KCNK5: variants seen among roughly 807,000 people sequenced by gnomAD.
KCNK5 encodes potassium two pore domain channel subfamily K member 5.
A neutral mutation model predicts 32.9 loss-of-function variants in KCNK5; 18 were observed. That is an observed-to-expected ratio of 0.55 (90% CI 0.38 to 0.81). KCNK5 has a LOEUF of 0.81. KCNK5 is among the 30% of genes least tolerant of loss of function. The pLI is 0.00. For missense variants in KCNK5, 507 were observed against 651.0 expected (o/e 0.78, Z 2.41); for synonymous variants, 276 against 275.3 (o/e 1.00, Z -0.03).
In KCNK5 at chr6:39,190,741, A is replaced by C; in HGVS notation, c.*149T>G. 1 of 695,810 alleles carries C rather than the reference A, an allele frequency of 1.4e-6. No homozygotes were observed. Among genetic ancestry groups the C allele is most frequent in the Non-Finnish European group, 2.2e-6 (1 of 451,428 alleles). 43.1% of individuals were successfully genotyped at this position (695,810 alleles called of 1,614,324 possible). A position where few individuals can be genotyped will look rare whatever the true frequency, so the allele number is the denominator to read the frequency against. On this transcript the variant is annotated 3_prime_UTR_variant, in exon 5 of 5. Transcript: ENST00000359534. ...GTCCCGGGCATACATCTAGCTGAGG[A>C]TGATGGAAGGTTAGGAAGGCCCCTG...
At position 39,198,293 on chromosome 6, in the gene KCNK5, T is replaced by A. The variant is rs117885056; in HGVS notation, c.187-2306A>T. ...CAACCCTAGGAGGTATTGATCATTA[T>A]CAACCCAGACTGAGTCTCCACCATC... On this transcript the variant is annotated intron_variant, in intron 1 of 4. Transcript: ENST00000359534. Among the ~76,000 whole-genome samples the A allele has an allele frequency of 2.9e-3, 448 of 152,326 alleles. 15 individuals carry two copies. The East Asian group carries it at 0.071, about 24-fold the overall frequency.
Position 39,189,479 on chromosome 6 carries a change from T to C in KCNK5, c.*1411A>G, listed in dbSNP as rs1770881387. On this transcript the variant is annotated 3_prime_UTR_variant, in exon 5 of 5. Coordinates refer to ENST00000359534, the MANE Select transcript of KCNK5 (RefSeq NM_003740.4). ...GGCAGACACTAGATCTCCCAATCCT[T>C]GGGACCCTGCTCTTTAACCACTGGC... The C allele has an allele frequency of 6.6e-6, 1 of 152,570 alleles. No individual in the cohort carries two copies. Among genetic ancestry groups the C allele is most frequent in the African/African-American group, 2.4e-5 (1 of 41,430 alleles). The allele number at this position is 152,570 out of a possible 1,614,324, so 9.5% of individuals were successfully genotyped here. A position where few individuals can be genotyped will look rare whatever the true frequency, so the allele number is the denominator to read the frequency against.
At chr6:39,212,502 G>C (rs572998097) in intron 1 of KCNK5, among the ~76,000 whole-genome samples, 119 of 152,260 alleles carry the variant, frequency 7.8e-4, no homozygotes, top group African/African-American at 2.7e-3. Context: ...TCCTGACTTT[G>C]GATTACAAAC....
At chr6:39,213,771 T>C (rs984516000) in intron 1 of KCNK5, among the ~76,000 whole-genome samples, 9 of 152,076 alleles carry the variant, frequency 5.9e-5, no homozygotes, top group East Asian at 5.8e-4. Flanking sequence ...GGGCGGATCA[T>C]GAGGTTAGAA....
At chr6:39,206,211 C>G (rs902421265) in intron 1 of KCNK5, among the ~76,000 whole-genome samples, 6 of 152,234 alleles carry the variant, frequency 3.9e-5, no homozygotes, top group Non-Finnish European at 8.8e-5. Flanking sequence ...CCACCCGGAA[C>G]TGGGCTGAGA....
chr6:39,208,599 T>C (rs79835435), intron 1 of KCNK5, among the ~76,000 whole-genome samples: 1 of 152,250 alleles, frequency 6.6e-6, no homozygotes, highest in Non-Finnish European at 1.5e-5. Context: ...CCATCCTCTC[T>C]GGAATAAATT....
At chr6:39,202,324 C>G (rs1771144817) in intron 1 of KCNK5, among the ~76,000 whole-genome samples, 1 of 152,018 alleles carries the variant, frequency 6.6e-6, no homozygotes, top group Non-Finnish European at 1.5e-5. Flanking sequence ...GCCTGAAGAG[C>G]AAGAGGGCAG....
intron 2 of KCNK5, 92 bp downstream of exon 2, chr6:39,195,784 A>C: frequency 1.2e-6 from 1 of 819,548 alleles, no homozygotes; most frequent in South Asian, 1.7e-5. Context: ...TTGTACCCCC[A>C]ACAGGGCTGA....
At position 39,197,627 on chromosome 6, in the gene KCNK5, C is replaced by G. The variant is rs142364801; in HGVS notation, c.187-1640G>C. Among the ~76,000 whole-genome samples, 105 of 152,304 alleles carry G rather than the reference C, an allele frequency of 6.9e-4. 1 individual carries two copies. Among genetic ancestry groups the G allele is most frequent in the African/African-American group, 2.4e-3 (99 of 41,568 alleles). ...GCTAAAACAAATACTAAGGACCATCCAATGGGTTTCTGAAAACATCAAATC... is the reference window on the plus strand; with the variant it reads ...GCTAAAACAAATACTAAGGACCATCGAATGGGTTTCTGAAAACATCAAATC... On this transcript the variant is annotated intron_variant, in intron 1 of 4. Coordinates refer to ENST00000359534, the MANE Select transcript of KCNK5 (RefSeq NM_003740.4).
intron 1 of KCNK5, among the ~76,000 whole-genome samples, chr6:39,222,367 TC>T (rs1227999887): frequency 6.6e-6 from 1 of 152,192 alleles, no homozygotes; most frequent in East Asian, 1.9e-4. Flanking sequence ...GGTGTCCTTA[TC>T]AGAACACCCA....
rs1053208997 is a variant in KCNK5, at chr6:39,189,863, T to A, written c.*1027A>T. The A allele has an allele frequency of 1.3e-5, 2 of 152,538 alleles. No individual in the cohort carries two copies. The highest frequency in any genetic ancestry group is 2.9e-5 in the Non-Finnish European group (2 of 68,112). The allele number at this position is 152,538 out of a possible 1,614,324, so 9.4% of individuals were successfully genotyped here. A position where few individuals can be genotyped will look rare whatever the true frequency, so the allele number is the denominator to read the frequency against. On this transcript the variant is annotated 3_prime_UTR_variant, in exon 5 of 5. Transcript: ENST00000359534. ...CACCCATTTGTGGGCCAAGAGCAATTTGGCCTCACCCTGCCTGGCCCAAGG... is the reference window on the plus strand; with the variant it reads ...CACCCATTTGTGGGCCAAGAGCAATATGGCCTCACCCTGCCTGGCCCAAGG...
At chr6:39,195,603 A>G (rs1207375167) in intron 2 of KCNK5, among the ~76,000 whole-genome samples, 1 of 152,224 alleles carries the variant, frequency 6.6e-6, no homozygotes, top group African/African-American at 2.4e-5. Flanking sequence ...GGTTTCTGCA[A>G]TGAGCAGTCT....
At chr6:39,218,907 C>T (rs1771490886) in intron 1 of KCNK5, among the ~76,000 whole-genome samples, 2 of 152,220 alleles carry the variant, frequency 1.3e-5, no homozygotes, top group Admixed American at 6.5e-5. Flanking sequence ...ATGTTTTTCT[C>T]CTGCCCCAGC....
chr6:39,221,701 T>C (rs934027149), intron 1 of KCNK5, among the ~76,000 whole-genome samples: 2 of 152,150 alleles, frequency 1.3e-5, no homozygotes, highest in African/African-American at 4.8e-5. Context: ...CTATTCTTCC[T>C]CCAGGTTAGG....
At chr6:39,199,327 G>C (rs769672041) in intron 1 of KCNK5, among the ~76,000 whole-genome samples, 2 of 152,222 alleles carry the variant, frequency 1.3e-5, no homozygotes, top group Non-Finnish European at 2.9e-5. Flanking sequence ...TTGGGAGTGG[G>C]GAGAGGTGGA....
intron 1 of KCNK5, among the ~76,000 whole-genome samples, chr6:39,212,579 C>G (rs2113792060): frequency 6.6e-6 from 1 of 152,314 alleles, no homozygotes; most frequent in East Asian, 1.9e-4. Context: ...CAGGGCAAGT[C>G]TTGGGCCCCC....
intron 1 of KCNK5, among the ~76,000 whole-genome samples, chr6:39,218,502 C>T (rs1297814834): frequency 1.3e-5 from 2 of 152,202 alleles, no homozygotes; most frequent in South Asian, 2.1e-4. Context: ...AGCTAATCCT[C>T]ACCAGGCCTT....
chr6:39,223,994 G>A (rs966026490), intron 1 of KCNK5, among the ~76,000 whole-genome samples: 1 of 151,558 alleles, frequency 6.6e-6, no homozygotes, highest in Admixed American at 6.6e-5. Flanking sequence ...TCATCCTAAG[G>A]GTTCTAGTCA....
chr6:39,212,200 T>C (rs1001945061), intron 1 of KCNK5, among the ~76,000 whole-genome samples: 3 of 151,972 alleles, frequency 2.0e-5, no homozygotes, highest in Non-Finnish European at 2.9e-5. Flanking sequence ...TGAGGCAGGA[T>C]AATGGCTTGA....
Sources: allele counts gnomAD v4.1 joint callset (sites outside exome capture counted in the v4.1 genomes callset), GRCh38; gene constraint gnomAD v4.1.1; transcripts MANE v1.5; gene names NCBI Gene and HGNC (gene_info 2026-07-23, HGNC 2026-07-21).